Variants in ASS1 observed in about 807,000 individuals in gnomAD.
ASS1 encodes the protein argininosuccinate synthase.
A neutral mutation model predicts 60.5 loss-of-function variants in ASS1; 58 were observed. The observed-to-expected ratio is 0.96, with a 90% confidence interval of 0.78 to 1.19. The LOEUF is 1.19. Ranked by LOEUF, ASS1 falls within the 50% of genes most tolerant of loss-of-function variation. The pLI is 0.00. For missense variants in ASS1, 454 were observed against 547.3 expected (o/e 0.83, Z 1.70); for synonymous variants, 200 against 206.9 (o/e 0.97, Z 0.29).
rs1007899709 is a variant in ASS1 at position 130,478,236 on chromosome 9, C to T, written c.688+1275C>T. Among the ~76,000 whole-genome samples the T allele has an allele frequency of 6.6e-6, 1 of 152,238 alleles. No individual in the cohort carries two copies. The highest frequency in any genetic ancestry group is 2.4e-5 in the African/African-American group (1 of 41,470). On this transcript the variant is annotated intron_variant, in intron 9 of 14. Coordinates refer to ENST00000352480, the MANE Select transcript of ASS1 (RefSeq NM_054012.4). The surrounding 1 kb of genome is among the most constrained non-coding windows in gnomAD (Gnocchi z 4.7). ...GGCCAAAGAGGACCCCAAAGGCAGC[C>T]GGGCCCCCAGGCCTGTTTGCAGGCA...
At chr9:130,451,791 G>C (rs180893104) in intron 1 of ASS1, 183 of 457,448 alleles carry the variant, frequency 4.0e-4, no homozygotes, top group Admixed American at 9.9e-4. Flanking sequence ...GCCCTGCCTG[G>C]TGCTTGGCAA....
chr9:130,463,163 C>T (rs1269252600), intron 4 of ASS1, among the ~76,000 whole-genome samples: 3 of 152,264 alleles, frequency 2.0e-5, no homozygotes, highest in East Asian at 1.9e-4. Context: ...TGCCTGGCTG[C>T]GCCCATGCAG....
rs76489924 is a variant in ASS1, at chr9:130,490,853, C to T, written c.970+1389C>T. On this transcript the variant is annotated intron_variant, in intron 12 of 14. Transcript: ENST00000352480. ...TGGCCCTTCCCACCCACCTCCATAA[C>T]ATACACATAGCCCTGATTTGGGGCG... is the stretch of plus-strand genomic sequence containing the variant. 2.8e-4 allele frequency among the ~76,000 whole-genome samples: 43 copies of T among 152,276 alleles called. No homozygotes were observed. The East Asian group carries it at 7.3e-3, about 26-fold the overall frequency.
chr9:130,458,078 G>A (rs1454574211), intron 3 of ASS1, among the ~76,000 whole-genome samples: 3 of 151,486 alleles, frequency 2.0e-5, no homozygotes, highest in East Asian at 1.9e-4. Flanking sequence ...GGAGTTGCTT[G>A]AACCTGGGAG....
chr9:130,460,021 C>T (rs949044644), intron 4 of ASS1, among the ~76,000 whole-genome samples: 11 of 152,230 alleles, frequency 7.2e-5, no homozygotes, highest in Non-Finnish European at 1.2e-4. Context: ...TCTCAGTCAG[C>T]GGACAGCATG....
intron 13 of ASS1, among the ~76,000 whole-genome samples, chr9:130,495,466 T>TACAG (rs1296659536): frequency 1.2e-5 from 1 of 81,476 alleles, no homozygotes. Flanking sequence ...TATATACACA[T>TACAG]ACATATACAC....
In ASS1 at chr9:130,476,817, A is replaced by G; in HGVS notation, c.598-54A>G. 6.6e-7 allele frequency: 1 copy of G among 1,510,556 alleles called. No individual in the cohort carries two copies. The highest frequency in any genetic ancestry group is 1.1e-5 in the South Asian group (1 of 88,944). The allele number at this position is 1,510,556 out of a possible 1,614,324, so 93.6% of individuals were successfully genotyped here. On this transcript the variant is annotated intron_variant, in intron 8 of 14. Transcript: ENST00000352480. The surrounding 1 kb of genome is among the most constrained non-coding windows in gnomAD (Gnocchi z 4.9). ...CAGATCCCCGCGGGAGGTGGGCTGT[A>G]GGGTGTCCAGGGACTGGTATGTCAT...
chr9:130,493,262 C>A (rs781059949), intron 12 of ASS1, among the ~76,000 whole-genome samples: 10 of 152,206 alleles, frequency 6.6e-5, no homozygotes, highest in Non-Finnish European at 8.8e-5. Context: ...GGCCTCTCTC[C>A]CTGTGTACAG....
intron 3 of ASS1, among the ~76,000 whole-genome samples, chr9:130,458,032 G>A (rs144156679): frequency 0.017 from 2,641 of 152,114 alleles, 64 homozygotes; most frequent in African/African-American, 0.058. Context: ...GGTGGCATGC[G>A]CCTGTAATCC....
chr9:130,446,409 C>T (rs1845197893), intron 1 of ASS1, among the ~76,000 whole-genome samples: 1 of 152,140 alleles, frequency 6.6e-6, no homozygotes, highest in African/African-American at 2.4e-5. Context: ...CCCCTTAGGC[C>T]CAAGGCCTAG....
rs73657380 is a variant in ASS1 at position 130,447,589 on chromosome 9, C to T, written c.-6+2594C>T. On this transcript the variant is annotated intron_variant, in intron 1 of 14. Coordinates refer to ENST00000352480, the MANE Select transcript of ASS1 (RefSeq NM_054012.4). ...CTTCCCTCCTCCCAGGTGTCTCTTC[C>T]GGGGAAGGAGGGCTGGAGGGCAGTG... Among the ~76,000 whole-genome samples the T allele has an allele frequency of 5.6e-3, 849 of 152,298 alleles. 9 individuals are homozygous for T. The highest frequency in any genetic ancestry group is 0.019 in the African/African-American group (793 of 41,576).
At chr9:130,456,543 GCTTTCTTTTCTATGC>G (rs1353203051) in intron 3 of ASS1, among the ~76,000 whole-genome samples, 3 of 152,062 alleles carry the variant, frequency 2.0e-5, no homozygotes, top group African/African-American at 7.2e-5. Context: ...AGTCCCAATT[GCTTTCTTTTCTATGC>G]CTTTTTATTT....
At position 130,476,275 on chromosome 9, in the gene ASS1, C is replaced by T. The variant is rs1846016996; in HGVS notation, c.598-596C>T. 6.4e-6 allele frequency: 1 copy of T among 155,762 alleles called. No individual in the cohort carries two copies. The highest frequency in any genetic ancestry group is 2.4e-5 in the African/African-American group (1 of 41,452). 9.6% of individuals were successfully genotyped at this position (155,762 alleles called of 1,614,324 possible). On this transcript the variant is annotated intron_variant, in intron 8 of 14. Transcript: ENST00000352480. This position sits in a 1 kb window ranked among gnomAD's most constrained non-coding sequence, Gnocchi z 4.9. ...CGAGAGTTTCAGGCAACACGCAGCC[C>T]CTCCACCACTGCATCAGACGAGAGG...
At chr9:130,485,334 C>T (rs148717276) in intron 11 of ASS1, among the ~76,000 whole-genome samples, 103 of 152,326 alleles carry the variant, frequency 6.8e-4, no homozygotes, top group Middle Eastern at 3.4e-3. Context: ...CAGGAACTTG[C>T]AGCCTTCTTG....
At chr9:130,452,157 C>A in intron 1 of ASS1, 67 bp from the exon 2 acceptor site, 1 of 1,391,586 alleles carries the variant, frequency 7.2e-7, no homozygotes, top group African/African-American at 1.4e-5. Context: ...GCTGGGCTGT[C>A]TGCAGGGGCT....
intron 3 of ASS1, among the ~76,000 whole-genome samples, chr9:130,457,880 T>C (rs1845482348): frequency 6.6e-6 from 1 of 152,304 alleles, no homozygotes; most frequent in South Asian, 2.1e-4. Context: ...ATTAGCAGGC[T>C]GGCCGCGGTG....
chr9:130,472,018 TG>T (rs1845879226), intron 8 of ASS1, among the ~76,000 whole-genome samples: 1 of 152,138 alleles, frequency 6.6e-6, no homozygotes, highest in Non-Finnish European at 1.5e-5. Context: ...CGGGCTGGAC[TG>T]GGCCCTCAGC....
intron 6 of ASS1, among the ~76,000 whole-genome samples, chr9:130,468,466 C>G (rs1291890417): frequency 6.6e-6 from 1 of 152,162 alleles, no homozygotes; most frequent in Non-Finnish European, 1.5e-5. Flanking sequence ...GGTTGGAGTG[C>G]AGTGGCACAA....
chr9:130,478,685 G>A lies in ASS1; in HGVS notation c.689-1031G>A, dbSNP rs1314491090. On this transcript the variant is annotated intron_variant, in intron 9 of 14. Transcript: ENST00000352480. This position sits in a 1 kb window ranked among gnomAD's most constrained non-coding sequence, Gnocchi z 4.7. ...CCCATCTAAGGCCCCAGCGAAGGCC[G>A]ATAATAGGACCGGGGAGGGAGAGAA... is the stretch of plus-strand genomic sequence containing the variant. Among the ~76,000 whole-genome samples the A allele has an allele frequency of 2.6e-5, 4 of 152,210 alleles. No homozygotes were observed. The highest frequency in any genetic ancestry group is 1.9e-4 in the East Asian group (1 of 5,194).
Sources: gnomAD v4.1 joint callset for allele counts (sites outside exome capture counted in the v4.1 genomes callset) on GRCh38, gnomAD v4.1.1 for gene constraint, Gnocchi (gnomAD v3.1) non-coding constraint, MANE v1.5 for transcripts, NCBI Gene and HGNC (gene_info 2026-07-23, HGNC 2026-07-21) for gene names.